TENM3: variants seen among roughly 807,000 people sequenced by gnomAD.
The protein encoded by TENM3 is teneurin-3.
TENM3 carries 63 observed loss-of-function variants against 255.1 expected under a neutral mutation model. That is an observed-to-expected ratio of 0.25 (90% CI 0.20 to 0.30). The LOEUF (loss-of-function observed/expected upper bound fraction) is 0.30, where lower values mean the gene tolerates loss of function less well. Ranked by LOEUF, TENM3 falls within the 10% of genes least tolerant of loss-of-function variation. The pLI is 1.00. For missense variants in TENM3, 2,929 were observed against 3,461.1 expected (o/e 0.85, Z 3.86); for synonymous variants, 1,306 against 1,322.3 (o/e 0.99, Z 0.27).
the TENM3 span, among the ~76,000 whole-genome samples, chr4:181,626,522 G>T: frequency 6.6e-6 from 1 of 152,158 alleles, no homozygotes; most frequent in Non-Finnish European, 1.5e-5. Flanking sequence ...ATGGCGGAAG[G>T]GGAAGTGGAG....
At chr4:182,185,081 C>CAAA (rs35344065) in intron 1 of TENM3, among the ~76,000 whole-genome samples, 60 of 149,758 alleles carry the variant, frequency 4.0e-4, no homozygotes, top group African/African-American at 1.0e-3. Context: ...AAAACTCTGT[C>CAAA]AAAAAAAAAA....
intron 25 of TENM3, among the ~76,000 whole-genome samples, chr4:182,790,958 T>C (rs1485538722): frequency 6.6e-6 from 1 of 152,080 alleles, no homozygotes; most frequent in Non-Finnish European, 1.5e-5. Context: ...GACAGATCTT[T>C]CTCATCGTCT....
intron 3 of TENM3, among the ~76,000 whole-genome samples, chr4:182,382,197 AT>A (rs1767619582): frequency 6.6e-6 from 1 of 152,160 alleles, no homozygotes; most frequent in Admixed American, 6.5e-5. Context: ...TGAAATCTGA[AT>A]TGGCTCTGTT....
chr4:182,048,292 A>C, the TENM3 span, among the ~76,000 whole-genome samples: 1 of 152,214 alleles, frequency 6.6e-6, no homozygotes, highest in East Asian at 1.9e-4. Flanking sequence ...AAGCATTACA[A>C]GTATAGGTGT....
intron 3 of TENM3, among the ~76,000 whole-genome samples, chr4:182,428,991 A>G (rs902006648): frequency 2.6e-5 from 4 of 152,172 alleles, no homozygotes; most frequent in Non-Finnish European, 5.9e-5. Context: ...AGTATTTCCC[A>G]GTGTTAGGAA....
chr4:181,586,197 G>T, the TENM3 span, among the ~76,000 whole-genome samples: 1 of 152,182 alleles, frequency 6.6e-6, no homozygotes, highest in Non-Finnish European at 1.5e-5. Flanking sequence ...ATGTTTGAAA[G>T]ATTTCCCTGA....
chr4:181,811,693 T>C, the TENM3 span, among the ~76,000 whole-genome samples: 1 of 152,176 alleles, frequency 6.6e-6, no homozygotes, highest in Admixed American at 6.5e-5. Context: ...GGGGAACTCC[T>C]ACTTATAAAA....
chr4:182,186,483 TAGA>T (rs1231902212), intron 1 of TENM3, among the ~76,000 whole-genome samples: 1 of 151,820 alleles, frequency 6.6e-6, no homozygotes, highest in Non-Finnish European at 1.5e-5. Context: ...TTTTTAATAA[TAGA>T]AGATAATTTG....
intron 3 of TENM3, among the ~76,000 whole-genome samples, chr4:182,350,817 TG>T (rs1368056142): frequency 6.6e-6 from 1 of 152,184 alleles, no homozygotes; most frequent in Non-Finnish European, 1.5e-5. Flanking sequence ...CCTGAGTAGC[TG>T]GGATTACAGG....
chr4:182,418,320 G>C (rs1770539078), intron 3 of TENM3, among the ~76,000 whole-genome samples: 1 of 152,298 alleles, frequency 6.6e-6, no homozygotes, highest in East Asian at 1.9e-4. Flanking sequence ...ATAGAAAACA[G>C]CTGAAAAGAA....
At chr4:182,472,267 C>G (rs1156474459) in intron 3 of TENM3, among the ~76,000 whole-genome samples, 1 of 152,108 alleles carries the variant, frequency 6.6e-6, no homozygotes, top group Non-Finnish European at 1.5e-5. Flanking sequence ...TCTCAATTTA[C>G]TAATTTGTAA....
intron 3 of TENM3, among the ~76,000 whole-genome samples, chr4:182,548,066 A>G (rs1177953735): frequency 6.6e-6 from 1 of 152,006 alleles, no homozygotes. Context: ...AAAATAAAAT[A>G]TAAAAAAATT....
At chr4:182,752,153 A>G (rs893398098) in intron 20 of TENM3, 121 bp downstream of exon 20, 15 of 671,678 alleles carry the variant, frequency 2.2e-5, no homozygotes, top group African/African-American at 2.2e-4. Flanking sequence ...TACCTTTGAC[A>G]GTGTTCTGGA....
intron 3 of TENM3, among the ~76,000 whole-genome samples, chr4:182,594,667 C>T (rs1747007098): frequency 6.7e-6 from 1 of 148,746 alleles, no homozygotes; most frequent in Non-Finnish European, 1.5e-5. Context: ...TTTATTTCTT[C>T]CCTGTTTTTT....
chr4:181,807,906 C>G, the TENM3 span, among the ~76,000 whole-genome samples: 1 of 152,154 alleles, frequency 6.6e-6, no homozygotes, highest in African/African-American at 2.4e-5. Flanking sequence ...CCATAATCCT[C>G]TAGGGGAAGT....
the TENM3 span, among the ~76,000 whole-genome samples, chr4:181,481,522 A>G: frequency 6.6e-6 from 1 of 152,214 alleles, no homozygotes. Context: ...TAACCCATTC[A>G]TATGCTCAAC....
chr4:181,856,401 C>G, the TENM3 span, among the ~76,000 whole-genome samples: 1 of 152,182 alleles, frequency 6.6e-6, no homozygotes. Flanking sequence ...TGCATGAGCT[C>G]TATCAATGAC....
chr4:182,770,388 C>T (rs1249043141), intron 22 of TENM3, among the ~76,000 whole-genome samples: 1 of 152,146 alleles, frequency 6.6e-6, no homozygotes, highest in Non-Finnish European at 1.5e-5. Context: ...CCCAAGGCTC[C>T]CTTCCAGTAT....
chr4:181,912,154 C>T, the TENM3 span, among the ~76,000 whole-genome samples: 1 of 152,186 alleles, frequency 6.6e-6, no homozygotes, highest in African/African-American at 2.4e-5. Flanking sequence ...ATCTTCAGCT[C>T]AAATTCCACA....
Sources: gnomAD v4.1 joint callset for allele counts (sites outside exome capture counted in the v4.1 genomes callset) on GRCh38, gnomAD v4.1.1 for gene constraint, MANE v1.5 for transcripts, NCBI Gene and HGNC (gene_info 2026-07-23, HGNC 2026-07-21) for gene names.